CD36: variants seen among roughly 807,000 people sequenced by gnomAD.
The protein encoded by CD36 is CD36 molecule (CD36 blood group), also known as platelet glycoprotein 4.
Under a neutral mutation model 55.2 loss-of-function variants are expected in CD36, and 119 were observed. The observed-to-expected ratio is 2.15, with a 90% CI of 1.86 to 2.51. The LOEUF (loss-of-function observed/expected upper bound fraction) is 2.51, where lower values mean the gene tolerates loss of function less well. Ranked by LOEUF, CD36 falls within the 30% of genes most tolerant of loss-of-function variation. The pLI is 0.00. For missense variants in CD36, 819 were observed against 555.5 expected (o/e 1.47, Z -4.77); for synonymous variants, 186 against 193.6 (o/e 0.96, Z 0.33).
At chr7:80,629,582 C>A (rs73152252) in intron 1 of CD36, among the ~76,000 whole-genome samples, 6,539 of 152,070 alleles carry the variant, frequency 0.043, 232 homozygotes, top group Non-Finnish European at 0.061. Flanking sequence ...GCAAGACTTT[C>A]TGGAAAACAA....
chr7:80,626,781 C>A (rs1468712985), intron 1 of CD36, among the ~76,000 whole-genome samples: 1 of 151,976 alleles, frequency 6.6e-6, no homozygotes, highest in Non-Finnish European at 1.5e-5. Flanking sequence ...ATATTCTCAA[C>A]CTTTGTTTGA....
chr7:80,669,830 G>A lies in CD36; in HGVS notation c.749-123G>A, dbSNP rs1002660848. The A allele has an allele frequency of 9.1e-6, 7 of 768,550 alleles. No homozygotes were observed. In the African/African-American group the frequency reaches 1.2e-4, roughly 13 times the overall value. The allele number at this position is 768,550 out of a possible 1,614,324, so 47.6% of individuals were successfully genotyped here. A position where few individuals can be genotyped will look rare whatever the true frequency, so the allele number is the denominator to read the frequency against. Reference sequence around the variant, plus strand: ...CTTTTTACCTTTTAAAAATGTGGCTGCTAGATAAATTACTTAGGCAGTTTG... The same window carrying A: ...CTTTTTACCTTTTAAAAATGTGGCTACTAGATAAATTACTTAGGCAGTTTG... On this transcript the variant is annotated intron_variant, in intron 8 of 14. Coordinates refer to ENST00000447544, the MANE Select transcript of CD36 (RefSeq NM_001001548.3).
At chr7:80,622,528 A>G (rs1793526571) in intron 1 of CD36, among the ~76,000 whole-genome samples, 1 of 152,244 alleles carries the variant, frequency 6.6e-6, no homozygotes, top group Non-Finnish European at 1.5e-5. Context: ...AGCAAAACAA[A>G]GCAATATTCT....
Position 80,625,419 on chromosome 7 carries a change from AAG to A in CD36, c.-183-20664_-183-20663del, listed in dbSNP as rs551749503. ...TTGGAAACTGAGCCTGATGTATTAA[AAG>A]AGAGTACAGGAGGCCATGGTTTGCC... On this transcript the variant is annotated intron_variant, in intron 1 of 13. Coordinates refer to the CD36 transcript ENST00000309881. Among the ~76,000 whole-genome samples the A allele has an allele frequency of 1.1e-4, 16 of 152,306 alleles. No individual in the cohort carries two copies. In the East Asian group the frequency reaches 3.1e-3, roughly 29 times the overall value.
intron 4 of CD36, among the ~76,000 whole-genome samples, chr7:80,660,678 A>G (rs1190672166): frequency 6.6e-6 from 1 of 152,168 alleles, no homozygotes; most frequent in Non-Finnish European, 1.5e-5. Context: ...GCATGCTACC[A>G]TCTGCCGTAC....
At position 80,677,145 on chromosome 7, in the gene CD36, C is replaced by T. The variant is rs1427894000; in HGVS notation, c.*762C>T. 6.6e-6 allele frequency: 1 copy of T among 152,088 alleles called. No homozygotes were observed. The highest frequency in any genetic ancestry group is 1.9e-4 in the East Asian group (1 of 5,190). The allele number at this position is 152,088 out of a possible 1,614,324, so 9.4% of individuals were successfully genotyped here. A position where few individuals can be genotyped will look rare whatever the true frequency, so the allele number is the denominator to read the frequency against. On this transcript the variant is annotated 3_prime_UTR_variant, in exon 15 of 15. Coordinates refer to ENST00000447544, the MANE Select transcript of CD36 (RefSeq NM_001001548.3). ...CTGAAATATGCTTTCTAAATTTCTA[C>T]CACTTTGTTCTAGGCTAATTTTTTA...
At chr7:80,627,798 G>T (rs1349004789) in intron 1 of CD36, among the ~76,000 whole-genome samples, 1 of 151,894 alleles carries the variant, frequency 6.6e-6, no homozygotes, top group African/African-American at 2.4e-5. Flanking sequence ...TCTGCCAATG[G>T]ATACATAAAC....
At chr7:80,660,940 TTACATAC>T in intron 4 of CD36, 116 bp from the exon 5 acceptor site, 1 of 777,270 alleles carries the variant, frequency 1.3e-6, no homozygotes, top group Non-Finnish European at 2.2e-6. Flanking sequence ...ACACCATTGC[TTACATAC>T]TATCTATCTG....
rs114159503 is a variant in CD36 at position 80,607,131 on chromosome 7, C to G, written c.-184+4752C>G. Among the ~76,000 whole-genome samples, 1,163 of 152,216 alleles carry G rather than the reference C, an allele frequency of 7.6e-3. 12 individuals carry two copies. The highest frequency in any genetic ancestry group is 0.027 in the African/African-American group (1,111 of 41,520). On this transcript the variant is annotated intron_variant, in intron 1 of 13. Coordinates refer to the CD36 transcript ENST00000309881. ...TCTTCTCCACTCCATTAATATTCCT[C>G]TTGAGTATTAAAGGTAGCATTTTGT...
chr7:80,625,513 G>A (rs375736423), intron 1 of CD36, among the ~76,000 whole-genome samples: 1 of 152,230 alleles, frequency 6.6e-6, no homozygotes, highest in East Asian at 1.9e-4. Flanking sequence ...GCTAATGCAT[G>A]CTCATTCAAA....
At chr7:80,629,895 A>G (rs1017306470) in intron 1 of CD36, among the ~76,000 whole-genome samples, 9 of 54,402 alleles carry the variant, frequency 1.7e-4, no homozygotes, top group Non-Finnish European at 4.7e-5. Flanking sequence ...ATTCAATAGT[A>G]GCCTTTTTTT....
At chr7:80,607,531 T>C (rs893146484) in intron 1 of CD36, among the ~76,000 whole-genome samples, 1 of 152,196 alleles carries the variant, frequency 6.6e-6, no homozygotes, top group Admixed American at 6.5e-5. Context: ...TTTATGCCTT[T>C]GTCTAGCCAT....
intron 6 of CD36, among the ~76,000 whole-genome samples, chr7:80,664,164 C>T (rs946866924): frequency 6.6e-6 from 1 of 152,110 alleles, no homozygotes; most frequent in Non-Finnish European, 1.5e-5. Flanking sequence ...TTAATTATGA[C>T]AGAGTGCTAG....
At chr7:80,612,136 A>G (rs1792907722) in intron 1 of CD36, among the ~76,000 whole-genome samples, 1 of 152,192 alleles carries the variant, frequency 6.6e-6, no homozygotes, top group African/African-American at 2.4e-5. Flanking sequence ...TTACTTCAGT[A>G]ATTAAACGTG....
intron 1 of CD36, among the ~76,000 whole-genome samples, chr7:80,630,220 C>T (rs758274377): frequency 1.6e-4 from 24 of 152,052 alleles, no homozygotes; most frequent in African/African-American, 5.8e-4. Context: ...AAACTGTCAT[C>T]GGGGTGGTAT....
At chr7:80,608,190 T>C (rs1792673092) in intron 1 of CD36, among the ~76,000 whole-genome samples, 1 of 152,204 alleles carries the variant, frequency 6.6e-6, no homozygotes, top group African/African-American at 2.4e-5. Flanking sequence ...GCATATAACA[T>C]ATCCCCTGCA....
intron 1 of CD36, among the ~76,000 whole-genome samples, chr7:80,623,510 TTTAGGGTGTATTTATTTTTGTTTTA>T (rs1185512780): frequency 1.3e-5 from 2 of 152,234 alleles, no homozygotes; most frequent in Admixed American, 1.3e-4. Flanking sequence ...AATTCTTATT[TTTAGGGTGTATTTATTTTTGTTTTA>T]ATTTATTTGA....
At chr7:80,654,432 T>C (rs957004866) in intron 3 of CD36, among the ~76,000 whole-genome samples, 3 of 151,814 alleles carry the variant, frequency 2.0e-5, no homozygotes, top group South Asian at 2.1e-4. Flanking sequence ...AAGATTCTAA[T>C]AGTGTGAGGA....
intron 6 of CD36, among the ~76,000 whole-genome samples, chr7:80,663,424 A>T (rs537351616): frequency 7.4e-4 from 113 of 152,010 alleles, no homozygotes; most frequent in Non-Finnish European, 1.1e-3. Flanking sequence ...TAAATACACA[A>T]TTTTTTTTAA....
Sources: allele counts gnomAD v4.1 joint callset (sites outside exome capture counted in the v4.1 genomes callset), GRCh38; gene constraint gnomAD v4.1.1; transcripts MANE v1.5; gene names NCBI Gene and HGNC (gene_info 2026-07-23, HGNC 2026-07-21).